PRPF18: variants seen among roughly 807,000 people sequenced by gnomAD.
The protein encoded by PRPF18 is pre-mRNA processing factor 18.
In PRPF18, 38 loss-of-function variants were observed where a neutral mutation model predicts 46.5. The ratio of observed to expected loss-of-function variants is 0.82; its 90% CI spans 0.63 to 1.07. The LOEUF (loss-of-function observed/expected upper bound fraction) is 1.07, where lower values mean the gene tolerates loss of function less well. PRPF18 is among the 50% of genes least tolerant of loss of function. The pLI, the probability that PRPF18 is intolerant of heterozygous loss-of-function variation, is 0.00. For synonymous variants in PRPF18, 152 were observed against 146.7 expected, an observed-to-expected ratio of 1.04 and a Z score of -0.26; for missense variants, 263 against 410.0, an observed-to-expected ratio of 0.64 and a Z score of 3.10.
intron 4 of PRPF18, among the ~76,000 whole-genome samples, chr10:13,607,949 T>C (rs2080213620): frequency 6.6e-6 from 1 of 152,226 alleles, no homozygotes; most frequent in Non-Finnish European, 1.5e-5. Flanking sequence ...ATGTCAGTGA[T>C]GATAGTGTTG....
At chr10:13,600,172 TA>T in intron 2 of PRPF18, 71 bp from the exon 3 acceptor site, 2 of 1,197,522 alleles carry the variant, frequency 1.7e-6, no homozygotes, top group Non-Finnish European at 2.4e-6. Flanking sequence ...CTTCCATAGC[TA>T]AGGTAATGGA....
intron 4 of PRPF18, 35 bp downstream of exon 4, chr10:13,605,779 T>C: frequency 6.3e-7 from 1 of 1,576,388 alleles, no homozygotes. Flanking sequence ...AAAATACCAC[T>C]GTACTGCATT....
In PRPF18 at chr10:13,597,548, G is replaced by A. The variant is rs752335619; in HGVS notation, c.144+13G>A. On this transcript the variant is annotated intron_variant, in intron 2 of 9. Coordinates refer to ENST00000378572, the MANE Select transcript of PRPF18 (RefSeq NM_003675.4). Reference sequence around the variant, plus strand: ...ATGTGGCTACAAGGTATGAATGTCTGCTTTTATGTTAAATTGTACATTTCT... The same window carrying A: ...ATGTGGCTACAAGGTATGAATGTCTACTTTTATGTTAAATTGTACATTTCT... 1.3e-5 allele frequency: 21 copies of A among 1,605,504 alleles called. No homozygotes were observed. In the South Asian group the frequency reaches 2.1e-4, roughly 16 times the overall value.
At chr10:13,594,545 C>A (rs1212074225) in intron 1 of PRPF18, among the ~76,000 whole-genome samples, 3 of 152,186 alleles carry the variant, frequency 2.0e-5, no homozygotes, top group Non-Finnish European at 4.4e-5. Context: ...GATCTTTTTA[C>A]CTAGATGTGA....
At chr10:13,641,655 C>T in the PRPF18 span, 1 of 152,210 alleles carries the variant, frequency 6.6e-6, no homozygotes, top group Non-Finnish European at 1.5e-5. Flanking sequence ...GGTGGAAAAC[C>T]AGGACAATGT....
chr10:13,612,707 G>T (rs187142392), intron 6 of PRPF18, among the ~76,000 whole-genome samples: 1 of 141,482 alleles, frequency 7.1e-6, no homozygotes, highest in African/African-American at 2.7e-5. Context: ...ATCCTAGCTC[G>T]CTGTAACCTT....
the PRPF18 span, chr10:13,646,580 C>T: frequency 6.6e-6 from 1 of 152,364 alleles, no homozygotes; most frequent in South Asian, 2.1e-4. Context: ...CTCAAGTCCC[C>T]TTTCCCGTTC....
chr10:13,604,243 G>A (rs140822643), intron 3 of PRPF18, among the ~76,000 whole-genome samples: 42 of 152,246 alleles, frequency 2.8e-4, no homozygotes, highest in African/African-American at 9.1e-4. Flanking sequence ...GATTTTAGGT[G>A]TGATGCTATT....
intron 2 of PRPF18, among the ~76,000 whole-genome samples, chr10:13,599,801 C>T (rs766582474): frequency 6.6e-6 from 1 of 152,208 alleles, no homozygotes; most frequent in African/African-American, 2.4e-5. Context: ...TGAAGTTTCT[C>T]AGGTTGCTGT....
intron 3 of PRPF18, among the ~76,000 whole-genome samples, chr10:13,602,202 GGGT>G (rs1437922774): frequency 6.6e-6 from 1 of 152,148 alleles, no homozygotes; most frequent in Non-Finnish European, 1.5e-5. Context: ...CCAAACTGAT[GGGT>G]GAAATAGGTA....
At position 13,614,051 on chromosome 10, in the gene PRPF18, A is replaced by G; in HGVS notation, c.757A>G (p.Ile253Val). ...TGATATTAAAGAATCAATAACGGAT[A>G]TTATTAAATTCATGTTGCAGAGAGA... The part of the protein sequence containing the change: ...PADIKESITD[I>V]IKFMLQREYV... The change falls in exon 8 of 10, where the codon ATT (isoleucine) becomes GTT (valine). Residue 253 changes from isoleucine to valine, a missense_variant. By Grantham distance (29) the Ile-to-Val change is conservative. Around this residue, in one of 4 missense-constraint regions of PRPF18, gnomAD observed 155 missense variants for 245.1 expected, o/e 0.63. Coordinates refer to ENST00000378572, the MANE Select transcript of PRPF18 (RefSeq NM_003675.4). 1 of 1,588,796 alleles carries G rather than the reference A, an allele frequency of 6.3e-7. No homozygotes were observed. The highest frequency in any genetic ancestry group is 8.6e-7 in the Non-Finnish European group (1 of 1,166,554).
intron 5 of PRPF18, among the ~76,000 whole-genome samples, chr10:13,611,309 G>C (rs1013259698): frequency 1.3e-5 from 2 of 150,924 alleles, no homozygotes; most frequent in Non-Finnish European, 2.9e-5. Context: ...GTGGTTTTTA[G>C]TATATTCACA....
At chr10:13,617,289 C>T (rs2080357625) in intron 9 of PRPF18, among the ~76,000 whole-genome samples, 1 of 152,196 alleles carries the variant, frequency 6.6e-6, no homozygotes, top group African/African-American at 2.4e-5. Context: ...AAAGTGCTTT[C>T]AGATTTTGTG....
intron 1 of PRPF18, among the ~76,000 whole-genome samples, chr10:13,591,066 G>A (rs2079954256): frequency 1.3e-5 from 2 of 152,180 alleles, no homozygotes; most frequent in Admixed American, 1.3e-4. Flanking sequence ...AGGGTTACAC[G>A]ATGTTCTCAT....
intron 9 of PRPF18, among the ~76,000 whole-genome samples, chr10:13,629,129 A>G (rs1485278381): frequency 1.3e-5 from 2 of 152,228 alleles, no homozygotes; most frequent in African/African-American, 4.8e-5. Context: ...CTATAAAGTT[A>G]TACACTGGAG....
chr10:13,596,400 T>C (rs2080035581), intron 1 of PRPF18, among the ~76,000 whole-genome samples: 1 of 152,228 alleles, frequency 6.6e-6, no homozygotes, highest in African/African-American at 2.4e-5. Flanking sequence ...AGGCTCATCT[T>C]TCCATTGTCA....
At chr10:13,618,602 A>G (rs1164675088) in intron 9 of PRPF18, among the ~76,000 whole-genome samples, 1 of 140,492 alleles carries the variant, frequency 7.1e-6, no homozygotes, top group Admixed American at 7.5e-5. Flanking sequence ...CTTCAGACAG[A>G]GCAAGACCCT....
At chr10:13,633,820 T>C (rs10906433), downstream of PRPF18, among the ~76,000 whole-genome samples, 85,231 of 151,930 alleles carry the variant, frequency 0.56, 24,338 homozygotes, top group East Asian at 0.8. Context: ...AGTCTTGAGC[T>C]GAAAAGTACT....
chr10:13,614,102 G>A lies in PRPF18; in HGVS notation c.792+16G>A, dbSNP rs1400683887. Reference sequence around the variant, plus strand: ...ATACGTGAAGGTACATTCCCATGCTGTTCTTTGAAATTGTTAAGAGTATAT... The same window carrying A: ...ATACGTGAAGGTACATTCCCATGCTATTCTTTGAAATTGTTAAGAGTATAT... On this transcript the variant is annotated intron_variant, in intron 8 of 9. Coordinates refer to ENST00000378572, the MANE Select transcript of PRPF18 (RefSeq NM_003675.4). The A allele has an allele frequency of 1.3e-6, 2 of 1,534,490 alleles. No individual in the cohort carries two copies. The highest frequency in any genetic ancestry group is 1.8e-6 in the Non-Finnish European group (2 of 1,127,402).
Sources: allele counts gnomAD v4.1 joint callset (sites outside exome capture counted in the v4.1 genomes callset), GRCh38; gene constraint gnomAD v4.1.1; regional missense constraint gnomAD v4.1.1; transcripts MANE v1.5; gene names NCBI Gene and HGNC (gene_info 2026-07-23, HGNC 2026-07-21).